The following GATAD2B variants were observed in gnomAD, a reference collection of about 807,000 sequenced individuals.
The protein encoded by GATAD2B is GATA zinc finger domain containing 2B, also known as transcriptional repressor p66-beta.
In GATAD2B, 8 loss-of-function variants were observed where a neutral mutation model predicts 64.3. The ratio of observed to expected loss-of-function variants is 0.12; its 90% CI spans 0.07 to 0.22. The LOEUF is 0.22. Among genes scored for constraint, GATAD2B ranks in the 10% least tolerant of loss-of-function variants. GATAD2B has a pLI of 1.00. For synonymous variants in GATAD2B, 281 were observed against 271.3 expected (o/e 1.04, Z -0.35); for missense variants, 453 against 752.0 (o/e 0.60, Z 4.65).
intron 1 of GATAD2B, among the ~76,000 whole-genome samples, chr1:153,860,588 G>C (rs1676246733): frequency 1.3e-5 from 2 of 151,982 alleles, no homozygotes; most frequent in Admixed American, 6.6e-5. Context: ...TCCCACCTTG[G>C]CCTCCCAAAA....
At chr1:153,862,208 C>T (rs1570969064) in intron 1 of GATAD2B, among the ~76,000 whole-genome samples, 2 of 148,046 alleles carry the variant, frequency 1.4e-5, no homozygotes, top group African/African-American at 4.9e-5. Flanking sequence ...CTGCAAACTC[C>T]ACCTCCCAGG....
chr1:153,815,766 C>T (rs1017485959), intron 7 of GATAD2B, among the ~76,000 whole-genome samples: 3 of 152,248 alleles, frequency 2.0e-5, no homozygotes, highest in African/African-American at 4.8e-5. Context: ...TGGCCCCGGC[C>T]GGCTGACGGG....
At chr1:153,922,249 C>T (rs1436165803) in intron 1 of GATAD2B, among the ~76,000 whole-genome samples, 3 of 151,126 alleles carry the variant, frequency 2.0e-5, no homozygotes, top group African/African-American at 4.9e-5. Flanking sequence ...CAGGGAGCGG[C>T]CCCCGCACCC....
intron 1 of GATAD2B, among the ~76,000 whole-genome samples, chr1:153,840,345 AT>A (rs113661660): frequency 0.46 from 60,523 of 132,234 alleles, 13,537 homozygotes; most frequent in Non-Finnish European, 0.55. Flanking sequence ...GAAAATACTT[AT>A]TTTTTTTTTA....
intron 1 of GATAD2B, among the ~76,000 whole-genome samples, chr1:153,844,583 TA>T (rs1675615762): frequency 1.3e-5 from 2 of 151,684 alleles, no homozygotes; most frequent in African/African-American, 2.4e-5. Context: ...TATGCAGCCA[TA>T]AAAAATGATG....
chr1:153,886,445 G>A (rs1199964742), intron 1 of GATAD2B: 1 of 151,884 alleles, frequency 6.6e-6, no homozygotes, highest in African/African-American at 2.4e-5. Flanking sequence ...ACCATTACGT[G>A]AGGCATGACT....
chr1:153,839,649 T>C (rs901363518), intron 1 of GATAD2B, among the ~76,000 whole-genome samples: 1 of 152,176 alleles, frequency 6.6e-6, no homozygotes, highest in Non-Finnish European at 1.5e-5. Flanking sequence ...AGTCCTAGTA[T>C]TTAACACATA....
At chr1:153,905,860 A>G (rs1298082666) in intron 1 of GATAD2B, among the ~76,000 whole-genome samples, 1 of 151,744 alleles carries the variant, frequency 6.6e-6, no homozygotes, top group Non-Finnish European at 1.5e-5. Context: ...TGAGGTCAAG[A>G]GTTCGAGACC....
intron 2 of GATAD2B, among the ~76,000 whole-genome samples, chr1:153,823,848 G>A (rs568157867): frequency 6.6e-6 from 1 of 151,860 alleles, no homozygotes; most frequent in African/African-American, 2.4e-5. Context: ...TCCTGCCTCA[G>A]CCTTCCAAGT....
intron 1 of GATAD2B, among the ~76,000 whole-genome samples, chr1:153,916,031 G>A (rs762453107): frequency 8.5e-5 from 13 of 152,170 alleles, no homozygotes; most frequent in Non-Finnish European, 1.5e-4. Context: ...TGTAATCCCA[G>A]TACTTTGGGA....
intron 1 of GATAD2B, chr1:153,852,711 T>A: frequency 1.1e-6 from 1 of 926,800 alleles, no homozygotes; most frequent in Non-Finnish European, 1.8e-6. Flanking sequence ...GAGAGCCTGC[T>A]CATACGAAGT....
At chr1:153,841,327 A>T (rs1388774659) in intron 1 of GATAD2B, among the ~76,000 whole-genome samples, 1 of 152,078 alleles carries the variant, frequency 6.6e-6, no homozygotes, top group African/African-American at 2.4e-5. Flanking sequence ...TTAGTTCTAC[A>T]CAATTTTGTC....
rs555710192 is a variant in GATAD2B, at chr1:153,860,986, T to C, written c.-1-32638A>G. ...CAGTATATAACAGGCACTCAAAACA[T>C]TTCTTGTTGAATGAACTGGCTTTAA... is the stretch of plus-strand genomic sequence containing the variant. On this transcript the variant is annotated intron_variant, in intron 1 of 10. Transcript: ENST00000368655. 1.7e-3 allele frequency among the ~76,000 whole-genome samples: 255 copies of C among 152,276 alleles called. 1 individual carries two copies. Among genetic ancestry groups the C allele is most frequent in the Admixed American group, 2.6e-3 (39 of 15,278 alleles).
intron 1 of GATAD2B, among the ~76,000 whole-genome samples, chr1:153,863,233 C>T (rs942331997): frequency 1.3e-5 from 2 of 152,068 alleles, no homozygotes; most frequent in Admixed American, 6.6e-5. Flanking sequence ...GTGACCCCAA[C>T]AGTTTGGGGG....
chr1:153,859,369 A>C (rs533836737), intron 1 of GATAD2B, among the ~76,000 whole-genome samples: 382 of 151,486 alleles, frequency 2.5e-3, no homozygotes, highest in African/African-American at 7.9e-3. Flanking sequence ...CACCTCAAAA[A>C]AAAAAAAAGA....
intron 1 of GATAD2B, among the ~76,000 whole-genome samples, chr1:153,851,696 C>T (rs1675901817): frequency 6.6e-6 from 1 of 151,858 alleles, no homozygotes; most frequent in Non-Finnish European, 1.5e-5. Flanking sequence ...TCAAGTTGTA[C>T]AAGCAATCAT....
rs1480197573 is a variant in GATAD2B at position 153,806,972 on chromosome 1, T to C, written c.*3205A>G. ...TGTCTTAAAAAAAAATTGTCTACCA[T>C]ACATATATCCAAAAATGTGGGAAAA... On this transcript the variant is annotated 3_prime_UTR_variant, in exon 11 of 11. Transcript: ENST00000368655. 6.6e-6 allele frequency: 1 copy of C among 152,180 alleles called. No homozygotes were observed. The highest frequency in any genetic ancestry group is 2.4e-5 in the African/African-American group (1 of 41,436). 9.4% of individuals were successfully genotyped at this position (152,180 alleles called of 1,614,324 possible).
At chr1:153,854,103 A>G (rs1416396532) in intron 1 of GATAD2B, among the ~76,000 whole-genome samples, 1 of 152,172 alleles carries the variant, frequency 6.6e-6, no homozygotes, top group African/African-American at 2.4e-5. Context: ...GCTCATGGAC[A>G]TTAAAACGAA....
Position 153,839,108 on chromosome 1 carries a change from C to CAAAAAAAAAAAAAAA in GATAD2B, c.-1-10775_-1-10761dup, listed in dbSNP as rs35262137. 1.4e-3 allele frequency among the ~76,000 whole-genome samples: 109 copies of CAAAAAAAAAAAAAAA among 78,558 alleles called. 1 individual carries two copies. Among genetic ancestry groups the CAAAAAAAAAAAAAAA allele is most frequent in the East Asian group, 5.8e-3 (12 of 2,078 alleles). The allele number at this position is 78,558 out of a possible 152,430, so 51.5% of individuals were successfully genotyped here. The stretch of plus-strand genomic sequence containing the variant: ...TGGGTGACAGAACGAGACCCTGTCT[C>CAAAAAAAAAAAAAAA]AAAAAAAAAAAAAAAAAAAAAAAAA... On this transcript the variant is annotated intron_variant, in intron 1 of 10. Transcript: ENST00000368655.
Sources: gnomAD v4.1 joint callset for allele counts (sites outside exome capture counted in the v4.1 genomes callset) on GRCh38, gnomAD v4.1.1 for gene constraint, MANE v1.5 for transcripts, NCBI Gene and HGNC (gene_info 2026-07-23, HGNC 2026-07-21) for gene names.